Variants in MMGT1 observed in about 807,000 individuals in gnomAD.
The protein encoded by MMGT1 is membrane magnesium transporter 1.
A neutral mutation model predicts 11.7 loss-of-function variants in MMGT1; 2 were observed. The observed-to-expected ratio is 0.17, with a 90% CI of 0.07 to 0.54. The LOEUF (loss-of-function observed/expected upper bound fraction) is 0.54. Among genes scored for constraint, MMGT1 ranks in the 20% least tolerant of loss-of-function variants. The pLI, the probability that MMGT1 is intolerant of heterozygous loss-of-function variation, is 0.94. For synonymous variants in MMGT1, 49 were observed against 44.4 expected (o/e 1.10, Z -0.41); for missense variants, 74 against 109.0 (o/e 0.68, Z 1.43).
At chrX:135,968,094 C>T (rs1209935683) in intron 2 of MMGT1, among the ~76,000 whole-genome samples, 4 of 111,824 alleles carry the variant, frequency 3.6e-5, no homozygotes, top group African/African-American at 9.7e-5. Context: ...TCAGGTGATC[C>T]GCCCGCCACG....
In MMGT1 at chrX:135,973,957, G is replaced by A. The variant is rs1346819507; in HGVS notation, c.-282C>T. On this transcript the variant is annotated 5_prime_UTR_variant, in exon 1 of 4. Transcript: ENST00000305963. ...AGCCCAACGGAGTCATAAACGAAGA[G>A]GCGAAAGCGGGAGCTACGGGGAAGC... 3.7e-6 allele frequency: 4 copies of A among 1,089,794 alleles called. No homozygotes were observed. The highest frequency in any genetic ancestry group is 2.0e-5 in the South Asian group (1 of 50,406). 89.8% of individuals were successfully genotyped at this position (1,089,794 alleles called of 1,213,427 possible). A position where few individuals can be genotyped will look rare whatever the true frequency, so the allele number is the denominator to read the frequency against.
Position 135,961,063 on chromosome X carries a change from A to T in MMGT1, c.*3961T>A, listed in dbSNP as rs2089151909. 8.9e-6 allele frequency among the ~76,000 whole-genome samples: 1 copy of T among 111,913 alleles called. No homozygotes were observed. The highest frequency in any genetic ancestry group is 1.9e-5 in the Non-Finnish European group (1 of 53,076). ...AGGACAATTTGGCAGTAACTACTGA[A>T]CTGAAAATAAAAAATACCCTCTGAT... On this transcript the variant is annotated 3_prime_UTR_variant, in exon 4 of 4. Transcript: ENST00000305963.
chrX:135,960,641 C>G lies in MMGT1; in HGVS notation c.*4383G>C, dbSNP rs1412524883. Among the ~76,000 whole-genome samples, 1 of 111,027 alleles carries G rather than the reference C, an allele frequency of 9.0e-6. No individual in the cohort carries two copies. Among genetic ancestry groups the G allele is most frequent in the Non-Finnish European group, 1.9e-5 (1 of 52,926 alleles). Reference sequence around the variant, plus strand: ...TAAATGCAAAGGTGGCCTTTCTAAGCAAGGCAAAATCTCAGAAGCTGTAAA... The same window carrying G: ...TAAATGCAAAGGTGGCCTTTCTAAGGAAGGCAAAATCTCAGAAGCTGTAAA... On this transcript the variant is annotated 3_prime_UTR_variant, in exon 4 of 4. Transcript: ENST00000305963.
intron 2 of MMGT1, 27 bp downstream of exon 2, chrX:135,971,031 G>A (rs1556612548): frequency 9.4e-7 from 1 of 1,062,211 alleles, no homozygotes; most frequent in South Asian, 2.0e-5. Context: ...AAACATACAT[G>A]TAACGGAATA....
Position 135,960,865 on chromosome X carries a change from A to G in MMGT1, c.*4159T>C, listed in dbSNP as rs1323564871. Among the ~76,000 whole-genome samples, 5 of 112,168 alleles carry G rather than the reference A, an allele frequency of 4.5e-5. No homozygotes were observed. Among genetic ancestry groups the G allele is most frequent in the African/African-American group, 1.6e-4 (5 of 30,911 alleles). On this transcript the variant is annotated 3_prime_UTR_variant, in exon 4 of 4. Transcript: ENST00000305963. ...AAATGTGTTCCATCTCCTTCATTAA[A>G]ATGTACCAGACCTTCATTAAAATGC...
rs1406223901 is a variant in MMGT1 at position 135,961,078 on chromosome X, T to C, written c.*3946A>G. Among the ~76,000 whole-genome samples the C allele has an allele frequency of 9.0e-6, 1 of 111,541 alleles. No homozygotes were observed. Among genetic ancestry groups the C allele is most frequent in the African/African-American group, 3.3e-5 (1 of 30,736 alleles). ...TAACTACTGAACTGAAAATAAAAAA[T>C]ACCCTCTGATCCAGCAATTGTATTG... On this transcript the variant is annotated 3_prime_UTR_variant, in exon 4 of 4. Coordinates refer to ENST00000305963, the MANE Select transcript of MMGT1 (RefSeq NM_173470.3).
chrX:135,971,436 G>A (rs1307500347), intron 1 of MMGT1, among the ~76,000 whole-genome samples: 1 of 112,324 alleles, frequency 8.9e-6, no homozygotes, highest in Admixed American at 9.4e-5. Context: ...ATCATGACCT[G>A]CTTTGTCACC....
chrX:135,968,819 C>A (rs908276626), intron 2 of MMGT1, among the ~76,000 whole-genome samples: 1 of 111,629 alleles, frequency 9.0e-6, no homozygotes, highest in African/African-American at 3.3e-5. Context: ...CATGAGCCAC[C>A]GTGCTCGGCC....
chrX:135,969,997 A>C (rs1191932627), intron 2 of MMGT1, among the ~76,000 whole-genome samples: 1 of 112,028 alleles, frequency 8.9e-6, no homozygotes, highest in African/African-American at 3.2e-5. Flanking sequence ...AGAACTTACT[A>C]CTTGTGTAAT....
intron 1 of MMGT1, among the ~76,000 whole-genome samples, chrX:135,972,190 T>A (rs2089223552): frequency 1.8e-5 from 2 of 112,287 alleles, no homozygotes; most frequent in African/African-American, 3.2e-5. Context: ...GAGCATTATA[T>A]ATAAAGAGGT....
rs920407985 is a variant in MMGT1 at position 135,961,307 on chromosome X, C to A, written c.*3717G>T. Among the ~76,000 whole-genome samples the A allele has an allele frequency of 4.6e-3, 512 of 110,340 alleles. 1 individual carries two copies. The highest frequency in any genetic ancestry group is 8.1e-3 in the Non-Finnish European group (424 of 52,625). On this transcript the variant is annotated 3_prime_UTR_variant, in exon 4 of 4. Coordinates refer to ENST00000305963, the MANE Select transcript of MMGT1 (RefSeq NM_173470.3). ...GAAAGATCTCATAAAACACAGGTAG[C>A]AAAAAAAGCAAGGTACAGAAGAGTA... is the stretch of plus-strand genomic sequence containing the variant.
chrX:135,969,422 C>A (rs1276062652), intron 2 of MMGT1, among the ~76,000 whole-genome samples: 1 of 111,244 alleles, frequency 9.0e-6, no homozygotes, highest in Non-Finnish European at 1.9e-5. Flanking sequence ...TCACTGCAAC[C>A]TTTGCCTCTC....
intron 1 of MMGT1, among the ~76,000 whole-genome samples, chrX:135,971,538 C>T (rs1253769564): frequency 1.8e-5 from 2 of 111,963 alleles, no homozygotes; most frequent in African/African-American, 6.5e-5. Flanking sequence ...ATACTAGAAA[C>T]TTCTCAAAAC....
Position 135,973,650 on chromosome X carries a change from A to G in MMGT1, c.26T>C (p.Leu9Pro). 8.6e-7 allele frequency: 1 copy of G among 1,167,399 alleles called. No individual in the cohort carries two copies. The highest frequency in any genetic ancestry group is 3.3e-5 in the East Asian group (1 of 30,754). MAPSLWKG[L>P]VGIGLFALAH... ...TAGGGCAAAGAGACCGATGCCCACC[A>G]GCCCCTTCCACAGCGACGGCGCCAT... The change falls in exon 1 of 4, where the codon CTG (leucine) becomes CCG (proline). Residue 9 changes from leucine to proline, a missense_variant. Transcript: ENST00000305963.
In MMGT1 at chrX:135,972,869, C is replaced by T. The variant is rs1001114875; in HGVS notation, c.79+728G>A. Among the ~76,000 whole-genome samples the T allele has an allele frequency of 2.0e-4, 22 of 111,541 alleles. No individual in the cohort carries two copies. The Admixed American group carries it at 2.0e-3, about 10-fold the overall frequency. On this transcript the variant is annotated intron_variant, in intron 1 of 3. Transcript: ENST00000305963. ...GATACTTTCCTTAACCTCCCAGTTC[C>T]CCCAAAATATGACTGTCCCTGCTTC...
rs782263638 is a variant in MMGT1 at position 135,965,028 on chromosome X, C to T, written c.392G>A (p.Arg131His). 5.0e-6 allele frequency: 6 copies of T among 1,206,203 alleles called. No homozygotes were observed. The highest frequency in any genetic ancestry group is 3.5e-5 in the South Asian group (2 of 56,353). ...LKLRKLESLRR is the reference protein window; with the variant it reads ...LKLRKLESLRH ...TTATTATAATTTGTAAAAATCTTAA[C>T]GACGCAGTGATTCGAGTTTTCGTAA... Residue 131 changes from arginine (R) to histidine (H), a missense_variant, in exon 4 of 4, where the codon CGT becomes CAT. Around this residue, in one of 2 missense-constraint regions of MMGT1, gnomAD observed 34 missense variants for 29.3 expected, o/e 1.16. Coordinates refer to ENST00000305963, the MANE Select transcript of MMGT1 (RefSeq NM_173470.3).
In MMGT1 at chrX:135,967,441, T is replaced by C. The variant is rs879974522; in HGVS notation, c.185A>G (p.His62Arg). ...AFAVTCYGIV[H>R]IAGEFKDMDA... Reference sequence around the variant, plus strand: ...CATGTCTTTAAACTCTCCTGCAATATGAACTATACCGTAACAGGTAACTGC... The same window carrying C: ...CATGTCTTTAAACTCTCCTGCAATACGAACTATACCGTAACAGGTAACTGC... The change falls in exon 3 of 4, where the codon CAT becomes CGT. Residue 62 changes from histidine to arginine, a missense_variant. Transcript: ENST00000305963. 6.7e-6 allele frequency: 8 copies of C among 1,200,968 alleles called. No homozygotes were observed. The highest frequency in any genetic ancestry group is 9.0e-6 in the Non-Finnish European group (8 of 888,888).
At chrX:135,969,795 G>A (rs1556612411) in intron 2 of MMGT1, among the ~76,000 whole-genome samples, 1 of 111,981 alleles carries the variant, frequency 8.9e-6, no homozygotes. Flanking sequence ...AAAATAATAC[G>A]TGTTTGGATT....
At position 135,964,444 on chromosome X, in the gene MMGT1, C is replaced by T. The variant is rs2089173650; in HGVS notation, c.*580G>A. 1 of 112,734 alleles carries T rather than the reference C, an allele frequency of 8.9e-6. No homozygotes were observed. Among genetic ancestry groups the T allele is most frequent in the Admixed American group, 9.4e-5 (1 of 10,584 alleles). 9.3% of individuals were successfully genotyped at this position (112,734 alleles called of 1,213,427 possible). On this transcript the variant is annotated 3_prime_UTR_variant, in exon 4 of 4. Coordinates refer to ENST00000305963, the MANE Select transcript of MMGT1 (RefSeq NM_173470.3). Reference sequence around the variant, plus strand: ...TCAGAGAAATGATGAAACAAGACAGCTGATGGTAGAAGGTATATGGGAGCA... The same window carrying T: ...TCAGAGAAATGATGAAACAAGACAGTTGATGGTAGAAGGTATATGGGAGCA...
Sources: gnomAD v4.1 joint callset for allele counts (sites outside exome capture counted in the v4.1 genomes callset) on GRCh38, gnomAD v4.1.1 for gene constraint, gnomAD v4.1.1 regional missense constraint, MANE v1.5 for transcripts, NCBI Gene and HGNC (gene_info 2026-07-23, HGNC 2026-07-21) for gene names.